Variants in NPIPB13 observed in about 807,000 individuals in gnomAD.
NPIPB13 encodes nuclear pore complex-interacting protein family member B13.
chr16:30,244,674 TGAA>T (rs1222439082), intron 2 of NPIPB13, among the ~76,000 whole-genome samples: 1 of 54,456 alleles, frequency 1.8e-5, no homozygotes, highest in Non-Finnish European at 3.4e-5. Context: ...TCAAAACAAA[TGAA>T]GGAGAATAAA....
chr16:30,232,436 C>A (rs2073558606), intron 3 of NPIPB13, among the ~76,000 whole-genome samples: 2 of 145,242 alleles, frequency 1.4e-5, no homozygotes, highest in Non-Finnish European at 3.1e-5. Context: ...TGCACTCCAA[C>A]CTGGGCAACA....
At chr16:30,230,947 GCTGAGGCAGGTGGATTAC>G (rs1282969441) in intron 5 of NPIPB13, among the ~76,000 whole-genome samples, 2 of 117,958 alleles carry the variant, frequency 1.7e-5, no homozygotes, top group Non-Finnish European at 3.6e-5. Context: ...ACTTTGGGAG[GCTGAGGCAGGTGGATTAC>G]CTGAGGTCAG....
intron 2 of NPIPB13, among the ~76,000 whole-genome samples, chr16:30,244,233 TTTGGGAG>T (rs1411925707): frequency 7.1e-6 from 1 of 141,240 alleles, no homozygotes; most frequent in African/African-American, 2.6e-5. Context: ...GTCCCAGCAC[TTTGGGAG>T]GCCGCGGTGG....
chr16:30,232,374 G>T (rs1596937806), intron 3 of NPIPB13, among the ~76,000 whole-genome samples: 1 of 120,402 alleles, frequency 8.3e-6, no homozygotes, highest in African/African-American at 2.8e-5. Context: ...TGAGGCAGGA[G>T]AATCACTTGA....
chr16:30,228,954 G>A (rs2073536438), intron 5 of NPIPB13, among the ~76,000 whole-genome samples: 1 of 152,400 alleles, frequency 6.6e-6, no homozygotes, highest in East Asian at 1.9e-4. Flanking sequence ...GGCTGATGCC[G>A]GAACTGAGAC....
intron 2 of NPIPB13, among the ~76,000 whole-genome samples, chr16:30,245,143 C>A (rs1354825030): frequency 6.6e-6 from 1 of 152,308 alleles, no homozygotes; most frequent in Non-Finnish European, 1.5e-5. Context: ...GTCACCATGC[C>A]CAGCCTAAAC....
intron 7 of NPIPB13, chr16:30,226,948 CTTAGAATA>C: frequency 8.6e-6 from 1 of 116,240 alleles, no homozygotes; most frequent in Non-Finnish European, 1.7e-5. Flanking sequence ...ACCTCTGACA[CTTAGAATA>C]TTAGATCAGG....
chr16:30,244,692 A>G (rs1278102143), intron 2 of NPIPB13, among the ~76,000 whole-genome samples: 5 of 63,816 alleles, frequency 7.8e-5, no homozygotes, highest in African/African-American at 3.0e-4. Flanking sequence ...AATAAAAAAT[A>G]TGTATTACAT....
chr16:30,230,884 A>G (rs1281771439), intron 5 of NPIPB13, among the ~76,000 whole-genome samples: 17 of 107,900 alleles, frequency 1.6e-4, no homozygotes, highest in Non-Finnish European at 2.9e-4. Flanking sequence ...AATTAAAAAA[A>G]AAAAAAAAAA....
intron 3 of NPIPB13, among the ~76,000 whole-genome samples, chr16:30,232,480 A>T (rs1407317846): frequency 1.4e-5 from 2 of 147,046 alleles, no homozygotes; most frequent in African/African-American, 5.0e-5. Context: ...AAAAAAAAAA[A>T]AAATAGGCCA....
chr16:30,232,457 T>A (rs2073558958), intron 3 of NPIPB13, among the ~76,000 whole-genome samples: 1 of 142,964 alleles, frequency 7.0e-6, no homozygotes, highest in Admixed American at 7.0e-5. Flanking sequence ...AAATTGAAAC[T>A]CTTGTCTCAA....
chr16:30,230,802 G>A (rs2073546309), intron 5 of NPIPB13, among the ~76,000 whole-genome samples: 1 of 28,416 alleles, frequency 3.5e-5, no homozygotes, highest in South Asian at 8.9e-4. Flanking sequence ...AAACTGGGAG[G>A]CAGAGGTTGC....
At chr16:30,230,877 T>TA (rs1200193892) in intron 5 of NPIPB13, among the ~76,000 whole-genome samples, 1,727 of 54,954 alleles carry the variant, frequency 0.031, 25 homozygotes, top group African/African-American at 0.079. Context: ...ATCTCAAAAT[T>TA]AAAAAAAAAA....
intron 2 of NPIPB13, among the ~76,000 whole-genome samples, chr16:30,244,483 ATGTGTGTGTGTGTGTGTGTG>A (rs71259255): frequency 3.4e-5 from 3 of 89,428 alleles, no homozygotes; most frequent in Admixed American, 1.1e-4. Context: ...CAAAAAATAT[ATGTGTGTGTGTGTGTGTGTG>A]TGTGTGTGTG....
chr16:30,245,162 A>G (rs1181711075), intron 2 of NPIPB13, among the ~76,000 whole-genome samples: 1 of 152,306 alleles, frequency 6.6e-6, no homozygotes, highest in African/African-American at 2.4e-5. Context: ...ACTTGGCAAG[A>G]TAATAAATCA....
At chr16:30,232,476 A>C (rs1361017360) in intron 3 of NPIPB13, among the ~76,000 whole-genome samples, 1 of 147,704 alleles carries the variant, frequency 6.8e-6, no homozygotes, top group Non-Finnish European at 1.5e-5. Context: ...AAAAAAAAAA[A>C]AAAAAAATAG....
At chr16:30,232,398 AG>A (rs1238835139) in intron 3 of NPIPB13, among the ~76,000 whole-genome samples, 5 of 139,052 alleles carry the variant, frequency 3.6e-5, no homozygotes, top group Non-Finnish European at 6.5e-5. Context: ...CAGCAGGAAA[AG>A]CTTGTGGTGA....
chr16:30,237,439 C>A lies in NPIPB13; in HGVS notation c.121-1860G>T, dbSNP rs910795227. ...GGCAGAGGTTGCAGTGAGCCGAGAT[C>A]GCACCACTGCACTTCAGCCTGGGTG... On this transcript the variant is annotated intron_variant, in intron 2 of 7. Coordinates refer to ENST00000520915, the Ensembl canonical transcript of NPIPB13. Among the ~76,000 whole-genome samples the A allele has an allele frequency of 5.5e-4, 6 of 10,974 alleles. 1 individual carries two copies. Among genetic ancestry groups the A allele is most frequent in the African/African-American group, 1.9e-3 (6 of 3,152 alleles). 7.2% of individuals were successfully genotyped at this position (10,974 alleles called of 152,430 possible). A position where few individuals can be genotyped will look rare whatever the true frequency, so the allele number is the denominator to read the frequency against.
chr16:30,244,485 G>T (rs1269083964), intron 2 of NPIPB13, among the ~76,000 whole-genome samples: 1 of 826 alleles, frequency 1.2e-3, no homozygotes, highest in South Asian at 0.083. Flanking sequence ...AAAAATATAT[G>T]TGTGTGTGTG....
Sources: gnomAD v4.1 joint callset for allele counts (sites outside exome capture counted in the v4.1 genomes callset) on GRCh38, gnomAD v4.1.1 for gene constraint, MANE v1.5 for transcripts, NCBI Gene and HGNC (gene_info 2026-07-23, HGNC 2026-07-21) for gene names.